JAK2: variants seen among roughly 807,000 people sequenced by gnomAD.
JAK2 encodes the protein tyrosine-protein kinase JAK2.
A neutral mutation model predicts 139.3 loss-of-function variants in JAK2; 86 were observed. The ratio of observed to expected loss-of-function variants is 0.62; its 90% CI spans 0.52 to 0.74. The LOEUF is 0.74. Ranked by LOEUF, JAK2 falls within the 30% of genes least tolerant of loss-of-function variation. The pLI is 0.00. For missense variants in JAK2, 1,421 were observed against 1,360.3 expected, an observed-to-expected ratio of 1.04 and a Z score of -0.70; for synonymous variants, 490 against 437.7, an observed-to-expected ratio of 1.12 and a Z score of -1.49.
At chr9:5,024,255 C>CA (rs776552118) in intron 3 of JAK2, among the ~76,000 whole-genome samples, 40 of 151,288 alleles carry the variant, frequency 2.6e-4, no homozygotes, top group South Asian at 2.1e-4. Flanking sequence ...GACTCCATCT[C>CA]AAAAAAAAAT....
intron 2 of JAK2, among the ~76,000 whole-genome samples, chr9:5,004,841 G>A (rs564514627): frequency 3.3e-5 from 5 of 151,326 alleles, no homozygotes; most frequent in African/African-American, 1.2e-4. Context: ...CATGAGGTGA[G>A]ATCTCACTAT....
chr9:5,033,509 A>G, intron 4 of JAK2, among the ~76,000 whole-genome samples: 1 of 152,244 alleles, frequency 6.6e-6, no homozygotes, highest in Non-Finnish European at 1.5e-5. Context: ...GGTAACCCAC[A>G]AAGGGAAGCC....
At chr9:4,999,535 G>GAT (rs1417846071) in intron 2 of JAK2, among the ~76,000 whole-genome samples, 2 of 152,088 alleles carry the variant, frequency 1.3e-5, no homozygotes, top group East Asian at 3.9e-4. Flanking sequence ...GAACTAATAG[G>GAT]ATATATATAT....
intron 3 of JAK2, among the ~76,000 whole-genome samples, chr9:5,027,435 G>A (rs1822850754): frequency 6.6e-6 from 1 of 152,162 alleles, no homozygotes; most frequent in Non-Finnish European, 1.5e-5. Flanking sequence ...CCTTCAGTGA[G>A]TCATAATCTT....
At chr9:5,007,831 A>G (rs1342038044) in intron 2 of JAK2, among the ~76,000 whole-genome samples, 1 of 151,810 alleles carries the variant, frequency 6.6e-6, no homozygotes, top group African/African-American at 2.4e-5. Context: ...AGGTTCAAGC[A>G]ATTCTCCTAT....
Position 5,112,167 on chromosome 9 carries a change from C to T in JAK2, c.3060-10837C>T, listed in dbSNP as rs969558057. 6 of 273,988 alleles carry T rather than the reference C, an allele frequency of 2.2e-5. No individual in the cohort carries two copies. In the East Asian group the frequency reaches 5.8e-4, roughly 26 times the overall value. The allele number at this position is 273,988 out of a possible 1,614,324, so 17.0% of individuals were successfully genotyped here. ...CTAGCAACGTGCACACGCTGCTACC[C>T]GGCCACCGGGCGCTGGCCTTGGGCT... On this transcript the variant is annotated intron_variant, in intron 22 of 24. Transcript: ENST00000381652.
Position 5,078,427 on chromosome 9 carries a change from C to T in JAK2, c.2114C>T (p.Thr705Ile), listed in dbSNP as rs751875095. The T allele has an allele frequency of 2.2e-5, 36 of 1,612,468 alleles. No individual in the cohort carries two copies. The highest frequency in any genetic ancestry group is 3.1e-5 in the Non-Finnish European group (36 of 1,178,980). ...IKLSDPGISITVLPKDILQER... is the reference protein window; with the variant it reads ...IKLSDPGISIIVLPKDILQER... ...CTTAGTGATCCTGGCATTAGTATTA[C>T]AGTTTTGCCAAAGGACAGTAAGTTC... The change falls in exon 16 of 25, where the codon ACA (threonine) becomes ATA (isoleucine). Residue 705 changes from threonine (T) to isoleucine (I), a missense_variant. Physicochemically the swap from Thr to Ile is moderately conservative, Grantham distance 89. Transcript: ENST00000381652.
chr9:5,103,555 T>C (rs752824767), intron 22 of JAK2, among the ~76,000 whole-genome samples: 17 of 152,102 alleles, frequency 1.1e-4, no homozygotes, highest in Non-Finnish European at 2.1e-4. Context: ...TGAACTCAGC[T>C]CTGCACCATG....
intron 11 of JAK2, 92 bp downstream of exon 11, chr9:5,069,300 A>G (rs1818787738): frequency 1.3e-6 from 1 of 785,834 alleles, no homozygotes; most frequent in Non-Finnish European, 2.0e-6. Context: ...CAAAGGATAT[A>G]TGAAAGAAGC....
In JAK2 at chr9:5,070,716, T is replaced by C. The variant is rs531842473; in HGVS notation, c.1641+664T>C. 2.6e-4 allele frequency among the ~76,000 whole-genome samples: 39 copies of C among 152,186 alleles called. 1 individual carries two copies. The highest frequency in any genetic ancestry group is 2.5e-3 in the South Asian group (12 of 4,826). On this transcript the variant is annotated intron_variant, in intron 12 of 24. Coordinates refer to ENST00000381652, the MANE Select transcript of JAK2 (RefSeq NM_004972.4). Reference sequence around the variant, plus strand: ...CAGTACAGAGGGCCCACTGGATTTATTGAAAAAAACCCACATATAAATGGA... The same window carrying C: ...CAGTACAGAGGGCCCACTGGATTTACTGAAAAAAACCCACATATAAATGGA...
intron 6 of JAK2, among the ~76,000 whole-genome samples, chr9:5,051,764 A>G (rs934574055): frequency 6.6e-6 from 1 of 152,158 alleles, no homozygotes; most frequent in Non-Finnish European, 1.5e-5. Flanking sequence ...TGTTCTCCCA[A>G]TAACTGGCTT....
intron 8 of JAK2, among the ~76,000 whole-genome samples, chr9:5,056,536 C>T (rs375662356): frequency 1.3e-5 from 2 of 152,042 alleles, no homozygotes; most frequent in East Asian, 3.9e-4. Context: ...CTTAATTCAG[C>T]ATAGTTTTCT....
chr9:5,070,147 T>C (rs1818858796), intron 12 of JAK2, 95 bp downstream of exon 12: 1 of 823,018 alleles, frequency 1.2e-6, no homozygotes, highest in Admixed American at 3.3e-5. Context: ...AATTATTTTG[T>C]TATATACAAA....
chr9:5,070,196 GCCAA>G, intron 12 of JAK2, 144 bp downstream of exon 12: 1 of 483,830 alleles, frequency 2.1e-6, no homozygotes, highest in Admixed American at 4.3e-5. Flanking sequence ...TGAAAAATAT[GCCAA>G]CCTTGTGTTA....
At chr9:5,108,179 A>G (rs907063380) in intron 22 of JAK2, 4 of 152,104 alleles carry the variant, frequency 2.6e-5, no homozygotes, top group African/African-American at 9.7e-5. Flanking sequence ...TGTTCAATGA[A>G]TCACCCCCAC....
At chr9:4,996,049 C>G (rs910227446) in intron 2 of JAK2, among the ~76,000 whole-genome samples, 3 of 152,074 alleles carry the variant, frequency 2.0e-5, no homozygotes, top group Non-Finnish European at 2.9e-5. Flanking sequence ...TAGGTCAAGT[C>G]ATTTGAGATT....
chr9:5,048,159 T>A (rs1817153376), intron 5 of JAK2, among the ~76,000 whole-genome samples: 1 of 152,262 alleles, frequency 6.6e-6, no homozygotes, highest in Non-Finnish European at 1.5e-5. Flanking sequence ...TCTTTTTTTT[T>A]GAGATGGAGT....
In JAK2 at chr9:5,081,861, G is replaced by C. The variant is rs764700283; in HGVS notation, c.2571G>C (p.Lys857Asn). ...TGAAATTTCTACAGCAACTTGGCAA[G>C]GTAAATTGTCAGAATTTTTTCAAAT... Reference protein sequence around the residue: ...RHLKFLQQLGKGNFGSVEMCR... With the variant: ...RHLKFLQQLGNGNFGSVEMCR... Residue 857 changes from lysine (K) to asparagine (N), a missense_variant and splice_region_variant, in exon 19 of 25, where the codon AAG becomes AAC. By Grantham distance (94) the Lys-to-Asn change is moderately conservative. Coordinates refer to ENST00000381652, the MANE Select transcript of JAK2 (RefSeq NM_004972.4). The C allele has an allele frequency of 9.3e-6, 15 of 1,610,402 alleles. No individual in the cohort carries two copies. Among genetic ancestry groups the C allele is most frequent in the Non-Finnish European group, 1.3e-5 (15 of 1,178,220 alleles).
intron 22 of JAK2, among the ~76,000 whole-genome samples, chr9:5,116,210 C>T (rs781011191): frequency 1.5e-4 from 23 of 151,968 alleles, no homozygotes; most frequent in Non-Finnish European, 3.2e-4. Flanking sequence ...AATAGCTTAC[C>T]CAAGGTGGCA....
Sources: allele counts gnomAD v4.1 joint callset (sites outside exome capture counted in the v4.1 genomes callset), GRCh38; gene constraint gnomAD v4.1.1; transcripts MANE v1.5; gene names NCBI Gene and HGNC (gene_info 2026-07-23, HGNC 2026-07-21).